Variants in ARVCF observed in about 807,000 individuals in gnomAD.
ARVCF encodes the protein ARVCF delta catenin family member, also known as splicing regulator ARVCF.
A neutral mutation model predicts 90.9 loss-of-function variants in ARVCF; 66 were observed. The observed-to-expected ratio is 0.73, with a 90% CI of 0.60 to 0.89. The LOEUF is 0.89. Among genes scored for constraint, ARVCF ranks in the 40% least tolerant of loss-of-function variants. The pLI is 0.00. For missense variants in ARVCF, 1,469 were observed against 1,382.3 expected (o/e 1.06, Z -1.00); for synonymous variants, 653 against 603.4 (o/e 1.08, Z -1.21).
chr22:19,998,641 AAAG>A (rs1944339875), intron 2 of ARVCF, among the ~76,000 whole-genome samples: 1 of 152,152 alleles, frequency 6.6e-6, no homozygotes, highest in African/African-American at 2.4e-5. Context: ...TTGTTTTGAC[AAAG>A]AACACACTCT....
chr22:19,998,014 C>A lies in ARVCF; in HGVS notation c.-18-7202G>T, dbSNP rs1194896529. On this transcript the variant is annotated intron_variant, in intron 2 of 19. Transcript: ENST00000263207. ...CTGTACTCTGGGGTGGGCACAGGGA[C>A]CAAAGCATCCCTGAGGAGCGAACTG... 2.0e-5 allele frequency among the ~76,000 whole-genome samples: 3 copies of A among 152,316 alleles called. No homozygotes were observed. In the East Asian group the frequency reaches 5.8e-4, roughly 29 times the overall value.
intron 16 of ARVCF, 112 bp downstream of exon 16, chr22:19,972,625 T>C (rs1241524540): frequency 3.2e-6 from 4 of 1,266,148 alleles, no homozygotes; most frequent in Non-Finnish European, 4.3e-6. Flanking sequence ...AAGTGGCCTA[T>C]GGAAGCCGTC....
intron 2 of ARVCF, among the ~76,000 whole-genome samples, chr22:20,009,861 G>C (rs1729836271): frequency 3.9e-5 from 6 of 152,258 alleles, no homozygotes; most frequent in Admixed American, 6.5e-5. Context: ...GCTGTGATCA[G>C]AGTACATTCA....
chr22:19,987,471 C>T (rs1943859567), intron 3 of ARVCF, among the ~76,000 whole-genome samples: 1 of 151,342 alleles, frequency 6.6e-6, no homozygotes, highest in Non-Finnish European at 1.5e-5. Flanking sequence ...CGCCGAAAGA[C>T]TTTGGCCAAG....
chr22:19,981,288 C>T lies in ARVCF; in HGVS notation c.819G>A (p.Glu273=). Reference sequence around the variant, plus strand: ...AGTCAGGCTCCAGCTCAGGGCCACCCTCGTCATCAGCGGCCAGGCTGCGCG... The same window carrying T: ...AGTCAGGCTCCAGCTCAGGGCCACCTTCGTCATCAGCGGCCAGGCTGCGCG... ...DDTRSLAADD[E]GGPELEPDYG... Residue 273 remains glutamate (E), a synonymous_variant, in exon 5 of 20, where the codon GAG becomes GAA. Transcript: ENST00000263207. 6.3e-7 allele frequency: 1 copy of T among 1,584,492 alleles called. No individual in the cohort carries two copies.
At chr22:20,015,743 C>G (rs2531714) in intron 1 of ARVCF, among the ~76,000 whole-genome samples, 47,500 of 151,988 alleles carry the variant, frequency 0.31, 7,911 homozygotes, top group Middle Eastern at 0.39. Context: ...TAAGAGCCTA[C>G]TCTAAAAAAT....
At chr22:19,981,846 T>C in intron 4 of ARVCF, 87 bp downstream of exon 4, 2 of 1,559,106 alleles carry the variant, frequency 1.3e-6, no homozygotes, top group Non-Finnish European at 1.7e-6. Context: ...AGGCCCCACG[T>C]GGCAAGCTTC....
intron 3 of ARVCF, among the ~76,000 whole-genome samples, chr22:19,987,427 C>T (rs1364739420): frequency 1.3e-5 from 2 of 150,512 alleles, no homozygotes; most frequent in Non-Finnish European, 3.0e-5. Flanking sequence ...ACTTCTGCTC[C>T]CTCCCCCTCC....
Position 19,973,003 on chromosome 22 carries a change from G to A in ARVCF, c.2472C>T (p.His824=), listed in dbSNP as rs1942915903. 1.2e-6 allele frequency: 2 copies of A among 1,613,404 alleles called. No homozygotes were observed. Among genetic ancestry groups the A allele is most frequent in the Admixed American group, 1.7e-5 (1 of 60,010 alleles). The part of the protein sequence containing the change: ...QSVREAKAAS[H]VLQTVWSYKE... ...TGTAGCTCCACACTGTCTGCAGCAC[G>A]TGTGACGCCGCCTTCGCTTCGCGTA... Residue 824 remains histidine, a synonymous_variant, in exon 15 of 20, where the codon CAC becomes CAT. Transcript: ENST00000263207.
At chr22:19,975,880 C>G in intron 10 of ARVCF, 123 bp from the exon 11 acceptor site, 1 of 965,438 alleles carries the variant, frequency 1.0e-6, no homozygotes, top group South Asian at 1.4e-5. Flanking sequence ...CAGGCCTGGG[C>G]ACCTGTGGGA....
At chr22:19,977,629 C>A in intron 8 of ARVCF, 43 bp from the exon 9 acceptor site, 2 of 1,486,614 alleles carry the variant, frequency 1.3e-6, no homozygotes, top group Non-Finnish European at 8.9e-7. Flanking sequence ...ACCCTAGGCA[C>A]AGGGCTGGCC....
At chr22:20,008,053 C>T (rs1396657616) in intron 2 of ARVCF, among the ~76,000 whole-genome samples, 1 of 152,094 alleles carries the variant, frequency 6.6e-6, no homozygotes. Context: ...AAATATGAAA[C>T]ATTTTTGACA....
intron 11 of ARVCF, 128 bp downstream of exon 11, chr22:19,975,558 A>AGG (rs1278076649): frequency 3.2e-5 from 31 of 976,040 alleles, no homozygotes; most frequent in East Asian, 5.1e-5. Context: ...TCCTGCACCT[A>AGG]GGGGCCTGTT....
chr22:19,968,755 T>C (rs745628165), downstream of ARVCF: 3 of 1,598,634 alleles, frequency 1.9e-6, no homozygotes, highest in Non-Finnish European at 2.6e-6. Flanking sequence ...CCGGCCCCCC[T>C]CTCGGGCTCT....
At chr22:19,992,199 GT>G (rs1339719512) in intron 2 of ARVCF, among the ~76,000 whole-genome samples, 1 of 152,244 alleles carries the variant, frequency 6.6e-6, no homozygotes, top group African/African-American at 2.4e-5. Flanking sequence ...CGAGAGACCA[GT>G]GCAGGCCCCC....
Position 19,981,508 on chromosome 22 carries a change from C to T in ARVCF, c.599G>A (p.Ser200Asn), listed in dbSNP as rs771553998. 5 of 1,564,714 alleles carry T rather than the reference C, an allele frequency of 3.2e-6. No homozygotes were observed. In the Admixed American group the frequency reaches 5.4e-5, roughly 17 times the overall value. Residue 200 changes from serine (S) to asparagine (N), a missense_variant, in exon 5 of 20, where the codon AGC becomes AAC. By Grantham distance (46) the Ser-to-Asn change is conservative. Coordinates refer to ENST00000263207, the MANE Select transcript of ARVCF (RefSeq NM_001670.3). ...CAGCCCTCGGGACAGGCTGCCATAG[C>T]TGGGGCTGTCCCGGGGCTCGGGGCC... ...PEGPEPRDSP[S>N]YGSLSRGLGM...
chr22:19,984,957 G>A (rs1259214428), intron 3 of ARVCF, among the ~76,000 whole-genome samples: 1 of 152,194 alleles, frequency 6.6e-6, no homozygotes, highest in East Asian at 1.9e-4. Context: ...GGGTGGGGCT[G>A]TGGAATGGTG....
chr22:20,008,637 T>G (rs543515940), intron 2 of ARVCF, among the ~76,000 whole-genome samples: 1 of 152,292 alleles, frequency 6.6e-6, no homozygotes, highest in East Asian at 1.9e-4. Context: ...AGCTGAGCCC[T>G]GAGGCTCCCT....
intron 3 of ARVCF, among the ~76,000 whole-genome samples, chr22:19,982,399 G>A (rs569257906): frequency 1.3e-5 from 2 of 152,090 alleles, no homozygotes. Context: ...CATAGACCCT[G>A]GGGGGTGAAG....
Sources: gnomAD v4.1 joint callset for allele counts (sites outside exome capture counted in the v4.1 genomes callset) on GRCh38, gnomAD v4.1.1 for gene constraint, MANE v1.5 for transcripts, NCBI Gene and HGNC (gene_info 2026-07-23, HGNC 2026-07-21) for gene names.